RDX: variants seen among roughly 807,000 people sequenced by gnomAD.
The protein encoded by RDX is deafness, autosomal recessive 24.
In RDX, 32 loss-of-function variants were observed where a neutral mutation model predicts 83.7. The ratio of observed to expected loss-of-function variants is 0.38; its 90% CI spans 0.29 to 0.51. RDX has a LOEUF of 0.51. Among genes scored for constraint, RDX ranks in the 20% least tolerant of loss-of-function variants. The pLI is 0.87. For synonymous variants in RDX, 229 were observed against 222.7 expected, an observed-to-expected ratio of 1.03 and a Z score of -0.25; for missense variants, 600 against 689.9, an observed-to-expected ratio of 0.87 and a Z score of 1.46.
intron 15 of RDX, among the ~76,000 whole-genome samples, chr11:110,190,066 A>G (rs1043505132): frequency 1.3e-5 from 2 of 152,106 alleles, no homozygotes; most frequent in Non-Finnish European, 2.9e-5. Flanking sequence ...CTAGGCAACA[A>G]GAGCGAAACT....
In RDX at chr11:110,247,713, TTTAA is replaced by T. The variant is rs779134450; in HGVS notation, c.1076_1079del (p.Ile359LysfsTer6). ...AAAAGAAACTTTTACCTTTCTGAGC[TTTAA>T]TTGTCTGCTCTTCAATTTGTTTTAG... On this transcript the variant is annotated frameshift_variant, in exon 10 of 14. Coordinates refer to ENST00000645495, the MANE Select transcript of RDX (RefSeq NM_002906.4). LOFTEE classifies it high-confidence loss of function. 8.7e-6 allele frequency: 14 copies of T among 1,611,854 alleles called. No individual in the cohort carries two copies. Among genetic ancestry groups the T allele is most frequent in the South Asian group, 1.1e-5 (1 of 90,692 alleles).
chr11:110,202,561 T>A (rs1863451267), intron 14 of RDX, among the ~76,000 whole-genome samples: 1 of 151,578 alleles, frequency 6.6e-6, no homozygotes, highest in East Asian at 1.9e-4. Flanking sequence ...TGGGACCACA[T>A]GTGTGCTTCA....
intron 14 of RDX, among the ~76,000 whole-genome samples, chr11:110,208,903 C>T (rs925956473): frequency 2.0e-5 from 3 of 152,198 alleles, no homozygotes; most frequent in Non-Finnish European, 4.4e-5. Context: ...TTGCATTGAG[C>T]AGAGATCACG....
chr11:110,189,002 G>A (rs900460840), intron 15 of RDX, among the ~76,000 whole-genome samples: 5 of 151,648 alleles, frequency 3.3e-5, no homozygotes, highest in African/African-American at 1.2e-4. Flanking sequence ...ACATATCAAC[G>A]TTAACATTGA....
intron 3 of RDX, among the ~76,000 whole-genome samples, chr11:110,271,689 G>A (rs900714021): frequency 2.0e-5 from 3 of 151,878 alleles, no homozygotes; most frequent in African/African-American, 4.8e-5. Context: ...TGACTAATAC[G>A]CACTCAAGAC....
chr11:110,221,482 C>G (rs973389159), intron 14 of RDX, among the ~76,000 whole-genome samples: 27 of 152,134 alleles, frequency 1.8e-4, no homozygotes, highest in African/African-American at 6.5e-4. Context: ...CCTGTGCTCC[C>G]AGCTATTCAG....
At chr11:110,224,532 C>T (rs146310239), downstream of RDX, among the ~76,000 whole-genome samples, 37 of 152,114 alleles carry the variant, frequency 2.4e-4, no homozygotes, top group African/African-American at 8.2e-4. Context: ...AGCTAGAGTA[C>T]GAGAGCATAA....
chr11:110,212,940 C>T (rs1863894851), intron 14 of RDX, among the ~76,000 whole-genome samples: 2 of 129,756 alleles, frequency 1.5e-5, no homozygotes, highest in African/African-American at 6.2e-5. Context: ...CAGGGATGCC[C>T]TCTCTCACCA....
chr11:110,247,728 T>A lies in RDX; in HGVS notation c.1065A>T (p.Glu355Asp). The A allele has an allele frequency of 1.2e-6, 2 of 1,612,042 alleles. No individual in the cohort carries two copies. Residue 355 changes from glutamate to aspartate, a missense_variant, in exon 10 of 14, where the codon GAA becomes GAT. Coordinates refer to ENST00000645495, the MANE Select transcript of RDX (RefSeq NM_002906.4). Reference protein sequence around the residue: ...EELMERLKQIEEQTIKAQKEL... With the variant: ...EELMERLKQIDEQTIKAQKEL... ...CTTTCTGAGCTTTAATTGTCTGCTC[T>A]TCAATTTGTTTTAGACGTTCCATTA...
At chr11:110,240,452 G>A (rs1414155716) in intron 10 of RDX, among the ~76,000 whole-genome samples, 3 of 152,032 alleles carry the variant, frequency 2.0e-5, no homozygotes, top group Admixed American at 6.6e-5. Flanking sequence ...ACTTAAAAAC[G>A]GTAAAAATAG....
At chr11:110,244,358 T>C (rs1199799779) in intron 10 of RDX, among the ~76,000 whole-genome samples, 6 of 75,114 alleles carry the variant, frequency 8.0e-5, no homozygotes, top group African/African-American at 3.4e-4. Flanking sequence ...AGTGAGATTC[T>C]GGCTCAAAAA....
chr11:110,292,673 T>C, intron 1 of RDX, among the ~76,000 whole-genome samples: 1 of 151,094 alleles, frequency 6.6e-6, no homozygotes. Context: ...ACATTTAAGG[T>C]CCTGAAAGCC....
At position 110,277,530 on chromosome 11, in the gene RDX, G is replaced by A. The variant is rs760829589; in HGVS notation, c.12+2151C>T. ...AGATGGGGTTTCACCATGTTGGCCA[G>A]GCTGGTCTCGAACTCCTGACTTCAA... is the stretch of plus-strand genomic sequence containing the variant. On this transcript the variant is annotated intron_variant, in intron 2 of 13. Coordinates refer to ENST00000645495, the MANE Select transcript of RDX (RefSeq NM_002906.4). Among the ~76,000 whole-genome samples the A allele has an allele frequency of 5.9e-5, 9 of 152,186 alleles. 1 individual carries two copies. Among genetic ancestry groups the A allele is most frequent in the Middle Eastern group, 6.8e-3 (2 of 294 alleles).
intron 5 of RDX, 115 bp downstream of exon 5, chr11:110,263,845 G>A: frequency 1.1e-6 from 1 of 905,776 alleles, no homozygotes; most frequent in African/African-American, 1.7e-5. Context: ...TCCAGCATGG[G>A]TGACAGGTCC....
At chr11:110,200,030 T>C (rs1863348358) in intron 14 of RDX, among the ~76,000 whole-genome samples, 1 of 152,214 alleles carries the variant, frequency 6.6e-6, no homozygotes, top group African/African-American at 2.4e-5. Context: ...CTTAAAGCCA[T>C]AAAAATCAGA....
intron 15 of RDX, among the ~76,000 whole-genome samples, chr11:110,183,514 G>A (rs996237112): frequency 3.9e-5 from 6 of 152,156 alleles, no homozygotes; most frequent in Admixed American, 6.5e-5. Flanking sequence ...TGTAGAGAAA[G>A]TGTCCCACTA....
chr11:110,235,212 T>C (rs1864795443), intron 12 of RDX, among the ~76,000 whole-genome samples: 1 of 152,148 alleles, frequency 6.6e-6, no homozygotes, highest in Non-Finnish European at 1.5e-5. Flanking sequence ...TGATGGTGCA[T>C]GCCTGTAGTC....
chr11:110,185,949 G>A lies in RDX; in HGVS notation c.*32-10715C>T, dbSNP rs1862978780. ...GGAAGCAAATGAGTGGACCACCAGG[G>A]AAAGGGTATGGTGCTGACTGATGAC... On this transcript the variant is annotated intron_variant, in intron 15 of 15. Coordinates refer to the RDX transcript ENST00000528498. Among the ~76,000 whole-genome samples, 3 of 152,362 alleles carry A rather than the reference G, an allele frequency of 2.0e-5. No homozygotes were observed. The South Asian group carries it at 6.2e-4, about 32-fold the overall frequency.
At chr11:110,185,337 C>G (rs896888836) in intron 15 of RDX, 1 of 152,232 alleles carries the variant, frequency 6.6e-6, no homozygotes, top group Non-Finnish European at 1.5e-5. Flanking sequence ...CCCAGGTTAG[C>G]AAAGGAGGCC....
Sources: gnomAD v4.1 joint callset for allele counts (sites outside exome capture counted in the v4.1 genomes callset) on GRCh38, gnomAD v4.1.1 for gene constraint, MANE v1.5 for transcripts, NCBI Gene and HGNC (gene_info 2026-07-23, HGNC 2026-07-21) for gene names.